ATRNL1: variants seen among roughly 807,000 people sequenced by gnomAD.
The protein encoded by ATRNL1 is attractin-like protein 1.
Under a neutral mutation model 182.7 loss-of-function variants are expected in ATRNL1, and 95 were observed. The ratio of observed to expected loss-of-function variants is 0.52; its 90% CI spans 0.44 to 0.62. The LOEUF is 0.62. ATRNL1 is among the 20% of genes least tolerant of loss of function. The pLI, the probability that ATRNL1 is intolerant of heterozygous loss-of-function variation, is 0.00. For missense variants in ATRNL1, 1,471 were observed against 1,679.5 expected (o/e 0.88, Z 2.17); for synonymous variants, 576 against 568.3 (o/e 1.01, Z -0.19).
At chr10:115,703,146 A>T (rs1555052074) in intron 26 of ATRNL1, among the ~76,000 whole-genome samples, 1 of 152,020 alleles carries the variant, frequency 6.6e-6, no homozygotes, top group African/African-American at 2.4e-5. Flanking sequence ...GTCAAAAAAA[A>T]TAAGCAATGA....
chr10:115,488,054 G>A (rs782004287), intron 24 of ATRNL1, among the ~76,000 whole-genome samples: 2 of 152,172 alleles, frequency 1.3e-5, no homozygotes, highest in African/African-American at 4.8e-5. Context: ...AACCAGTCTT[G>A]CATCTCAGGG....
At chr10:115,231,248 G>A (rs530547287) in intron 9 of ATRNL1, among the ~76,000 whole-genome samples, 68 of 152,226 alleles carry the variant, frequency 4.5e-4, no homozygotes, top group Non-Finnish European at 8.5e-4. Flanking sequence ...TATTCTAGAA[G>A]CCAAGAGCAT....
chr10:115,517,032 A>G (rs1850674794), intron 24 of ATRNL1, among the ~76,000 whole-genome samples: 1 of 151,982 alleles, frequency 6.6e-6, no homozygotes, highest in African/African-American at 2.4e-5. Flanking sequence ...TCTTATTACA[A>G]TGGTGTAGAA....
chr10:115,608,542 A>G (rs1555018158), intron 26 of ATRNL1, among the ~76,000 whole-genome samples: 3 of 152,084 alleles, frequency 2.0e-5, no homozygotes, highest in Non-Finnish European at 2.9e-5. Flanking sequence ...CAGTGGATTC[A>G]TTGTTATTAC....
At chr10:115,372,567 T>C (rs1554948402) in intron 19 of ATRNL1, among the ~76,000 whole-genome samples, 1 of 152,194 alleles carries the variant, frequency 6.6e-6, no homozygotes, top group African/African-American at 2.4e-5. Context: ...TAAGATAAAA[T>C]TTCATTTTCA....
chr10:115,307,656 A>G (rs1455122058), intron 17 of ATRNL1, among the ~76,000 whole-genome samples: 3 of 152,186 alleles, frequency 2.0e-5, no homozygotes, highest in African/African-American at 7.2e-5. Flanking sequence ...TGAAAGAAGT[A>G]GTTACCTGGC....
At chr10:115,780,250 G>A (rs1416171393) in intron 27 of ATRNL1, among the ~76,000 whole-genome samples, 2 of 152,212 alleles carry the variant, frequency 1.3e-5, no homozygotes, top group South Asian at 2.1e-4. Context: ...AGCACGCACA[G>A]AGGGAGCATT....
intron 13 of ATRNL1, among the ~76,000 whole-genome samples, chr10:115,274,125 C>T (rs1159057193): frequency 6.6e-6 from 1 of 152,142 alleles, no homozygotes; most frequent in Non-Finnish European, 1.5e-5. Context: ...CCTATAGGGG[C>T]CTGCCAAAGG....
intron 27 of ATRNL1, among the ~76,000 whole-genome samples, chr10:115,815,264 A>G (rs1053811996): frequency 6.6e-6 from 1 of 152,170 alleles, no homozygotes; most frequent in African/African-American, 2.4e-5. Context: ...AGAACTCTAC[A>G]TTGTAGAAAA....
intron 26 of ATRNL1, among the ~76,000 whole-genome samples, chr10:115,589,449 C>T (rs558187725): frequency 6.6e-6 from 1 of 152,164 alleles, no homozygotes; most frequent in Non-Finnish European, 1.5e-5. Context: ...GAAGAAAACA[C>T]ATTAAATTGT....
intron 26 of ATRNL1, among the ~76,000 whole-genome samples, chr10:115,604,012 G>T (rs1555016806): frequency 6.6e-6 from 1 of 151,896 alleles, no homozygotes; most frequent in African/African-American, 2.4e-5. Flanking sequence ...CTGCTATCTT[G>T]TATCTGTTCA....
intron 8 of ATRNL1, among the ~76,000 whole-genome samples, chr10:115,174,989 C>T (rs1028088916): frequency 1.3e-5 from 2 of 151,950 alleles, no homozygotes; most frequent in African/African-American, 4.8e-5. Context: ...TAGATGCTAT[C>T]TATCTGCCTC....
chr10:115,446,234 C>A (rs1413179125), intron 21 of ATRNL1, among the ~76,000 whole-genome samples: 2 of 151,860 alleles, frequency 1.3e-5, no homozygotes, highest in African/African-American at 2.4e-5. Flanking sequence ...GAGTGATTTT[C>A]ATCTCTATTT....
intron 27 of ATRNL1, among the ~76,000 whole-genome samples, chr10:115,803,316 CT>C (rs1949842571): frequency 6.6e-6 from 1 of 151,776 alleles, no homozygotes; most frequent in Non-Finnish European, 1.5e-5. Context: ...GGTTTTTTTC[CT>C]GAAGGATATA....
intron 26 of ATRNL1, among the ~76,000 whole-genome samples, chr10:115,569,711 A>C (rs1328253402): frequency 6.6e-6 from 1 of 151,926 alleles, no homozygotes; most frequent in Non-Finnish European, 1.5e-5. Context: ...TGAGTAGGAT[A>C]ACTGTTTGTC....
chr10:115,095,932 A>G (rs1214033665), intron 1 of ATRNL1, among the ~76,000 whole-genome samples: 1 of 152,184 alleles, frequency 6.6e-6, no homozygotes, highest in Non-Finnish European at 1.5e-5. Context: ...AATTTGCTGC[A>G]GTCCTGAGAA....
chr10:115,793,556 A>G (rs548004721), intron 27 of ATRNL1, among the ~76,000 whole-genome samples: 6 of 56 alleles, frequency 0.11, no homozygotes, highest in East Asian at 0.43. Flanking sequence ...TAGTTTAATA[A>G]TAACGATGCT....
chr10:115,333,460 A>G (rs781829735), intron 18 of ATRNL1, among the ~76,000 whole-genome samples: 2 of 149,320 alleles, frequency 1.3e-5, no homozygotes, highest in Non-Finnish European at 3.0e-5. Context: ...GAAGATACAT[A>G]TTTATGCAAA....
chr10:115,586,827 G>A (rs868907591), intron 26 of ATRNL1, among the ~76,000 whole-genome samples: 3 of 113,378 alleles, frequency 2.6e-5, no homozygotes, highest in African/African-American at 8.2e-5. Flanking sequence ...GAGGAGAGGC[G>A]CTCTGCTTTT....
Sources: allele counts gnomAD v4.1 joint callset (sites outside exome capture counted in the v4.1 genomes callset), GRCh38; gene constraint gnomAD v4.1.1; transcripts MANE v1.5; gene names NCBI Gene and HGNC (gene_info 2026-07-23, HGNC 2026-07-21).